LARGE1: variants seen among roughly 807,000 people sequenced by gnomAD.
LARGE1 encodes the protein xylosyl- and glucuronyltransferase LARGE1.
A neutral mutation model predicts 87.6 loss-of-function variants in LARGE1; 43 were observed. That is an observed-to-expected ratio of 0.49 (90% confidence interval 0.38 to 0.63). The LOEUF (loss-of-function observed/expected upper bound fraction) is 0.63. Ranked by LOEUF, LARGE1 falls within the 30% of genes least tolerant of loss-of-function variation. The pLI, the probability that LARGE1 is intolerant of heterozygous loss-of-function variation, is 0.00. For missense variants in LARGE1, 802 were observed against 1,000.2 expected, an observed-to-expected ratio of 0.80 and a Z score of 2.67; for synonymous variants, 434 against 394.6, an observed-to-expected ratio of 1.10 and a Z score of -1.18.
Position 33,384,195 on chromosome 22 carries a change from G to C in LARGE1, c.1002C>G (p.Asp334Glu). 1 of 1,612,018 alleles carries C rather than the reference G, an allele frequency of 6.2e-7. No individual in the cohort carries two copies. Among genetic ancestry groups the C allele is most frequent in the Non-Finnish European group, 8.5e-7 (1 of 1,178,076 alleles). ...LMGMLSTSLA[D>E]QDIFNAVIKQ... The stretch of plus-strand genomic sequence containing the variant: ...ACCTTCGAACCTGGCCACTCACCTG[G>C]TCAGCTAAGGATGTAGAGAGCATGC... Residue 334 changes from aspartate to glutamate, a missense_variant, in exon 8 of 15, where the codon GAC (aspartate) becomes GAG (glutamate). Physicochemically the swap from Asp to Glu is conservative, Grantham distance 45. This residue lies in a region of LARGE1 where 625 missense variants were observed against 841.9 expected (regional missense o/e 0.74). Transcript: ENST00000397394.
chr22:33,620,274 C>T lies in LARGE1; in HGVS notation c.491+5970G>A, dbSNP rs542195038. 2.0e-5 allele frequency among the ~76,000 whole-genome samples: 3 copies of T among 152,354 alleles called. No individual in the cohort carries two copies. In the South Asian group the frequency reaches 6.2e-4, roughly 32 times the overall value. On this transcript the variant is annotated intron_variant, in intron 4 of 14. Coordinates refer to ENST00000397394, the MANE Select transcript of LARGE1 (RefSeq NM_133642.5). ...AGAGTGTGAAAGCAGATCATGCTAG[C>T]AAACAAATATTAAATTTTTACAAGC...
chr22:33,344,285 A>G (rs1465679501), intron 9 of LARGE1, among the ~76,000 whole-genome samples: 3 of 152,210 alleles, frequency 2.0e-5, no homozygotes, highest in South Asian at 2.1e-4. Context: ...ACAGATAGTA[A>G]GATGAGCACT....
intron 1 of LARGE1, among the ~76,000 whole-genome samples, chr22:33,822,072 T>G (rs1179916532): frequency 2.0e-5 from 3 of 152,056 alleles, no homozygotes; most frequent in Non-Finnish European, 4.4e-5. Flanking sequence ...TTTTTCTTAA[T>G]GATCCCGGTT....
intron 7 of LARGE1, among the ~76,000 whole-genome samples, chr22:33,406,188 G>C (rs2066091020): frequency 6.6e-6 from 1 of 152,116 alleles, no homozygotes; most frequent in Admixed American, 6.6e-5. Context: ...CTGAAGTCCA[G>C]TAGTAAGGCT....
intron 1 of LARGE1, among the ~76,000 whole-genome samples, chr22:33,876,035 A>G (rs1290087303): frequency 1.3e-5 from 2 of 152,162 alleles, no homozygotes; most frequent in Non-Finnish European, 2.9e-5. Context: ...TTTAGAACAA[A>G]ACGTCATAGA....
intron 1 of LARGE1, among the ~76,000 whole-genome samples, chr22:33,877,158 A>T (rs534927115): frequency 6.6e-6 from 1 of 152,284 alleles, no homozygotes; most frequent in South Asian, 2.1e-4. Flanking sequence ...AAAACTAAGA[A>T]AGTCCCTTTT....
intron 5 of LARGE1, among the ~76,000 whole-genome samples, chr22:33,573,235 T>A (rs1302152338): frequency 6.6e-6 from 1 of 152,082 alleles, no homozygotes; most frequent in African/African-American, 2.4e-5. Flanking sequence ...GGTCAGGAGT[T>A]CAAGACCAGC....
chr22:33,511,841 C>T (rs187389536), intron 6 of LARGE1, among the ~76,000 whole-genome samples: 1 of 152,284 alleles, frequency 6.6e-6, no homozygotes, highest in Admixed American at 6.5e-5. Flanking sequence ...CCTTTGATTC[C>T]ACAGCCAGAG....
chr22:33,489,942 C>T lies in LARGE1; in HGVS notation c.788-57677G>A, dbSNP rs189983236. 5.6e-4 allele frequency among the ~76,000 whole-genome samples: 86 copies of T among 152,222 alleles called. 1 individual carries two copies. The highest frequency in any genetic ancestry group is 1.9e-3 in the African/African-American group (79 of 41,534). On this transcript the variant is annotated intron_variant, in intron 6 of 14. Transcript: ENST00000397394. ...GGTGTTGCTGTCTCTAAAGAGGGTG[C>T]CTGTCCCAGGGAAGGCAGTGACTTC...
At chr22:33,737,227 A>C (rs1466330931) in intron 2 of LARGE1, among the ~76,000 whole-genome samples, 5 of 152,160 alleles carry the variant, frequency 3.3e-5, no homozygotes, top group Non-Finnish European at 5.9e-5. Context: ...GTATACAGGG[A>C]ATAGAATGTC....
intron 1 of LARGE1, among the ~76,000 whole-genome samples, chr22:33,845,616 A>G (rs1035676516): frequency 2.0e-5 from 3 of 152,234 alleles, no homozygotes; most frequent in Admixed American, 2.0e-4. Flanking sequence ...CCTATAATGG[A>G]CCTTATAATG....
chr22:33,484,132 C>G (rs957658133), intron 6 of LARGE1, among the ~76,000 whole-genome samples: 1 of 152,148 alleles, frequency 6.6e-6, no homozygotes, highest in African/African-American at 2.4e-5. Context: ...ACAACAGACA[C>G]CTTGGGGAAG....
intron 12 of LARGE1, among the ~76,000 whole-genome samples, chr22:33,296,960 T>C (rs1024909487): frequency 6.6e-6 from 1 of 152,228 alleles, no homozygotes; most frequent in Non-Finnish European, 1.5e-5. Context: ...TGAGCCTTAA[T>C]GGTAAAATAC....
intron 6 of LARGE1, among the ~76,000 whole-genome samples, chr22:33,449,710 GC>G (rs1249927616): frequency 2.0e-5 from 3 of 152,212 alleles, no homozygotes; most frequent in African/African-American, 7.2e-5. Flanking sequence ...CAAAGCACAT[GC>G]TTCGAGGAGA....
At chr22:33,711,023 G>A (rs1471394768) in intron 2 of LARGE1, among the ~76,000 whole-genome samples, 2 of 152,132 alleles carry the variant, frequency 1.3e-5, no homozygotes, top group Non-Finnish European at 2.9e-5. Flanking sequence ...TGCCCCTACT[G>A]TGTACGAGGC....
chr22:33,089,688 G>T, the LARGE1 span, among the ~76,000 whole-genome samples: 1 of 151,892 alleles, frequency 6.6e-6, no homozygotes, highest in African/African-American at 2.4e-5. Context: ...ATAGAGATGG[G>T]GTCTCACTAT....
intron 9 of LARGE1, among the ~76,000 whole-genome samples, chr22:33,368,485 G>C (rs1049421316): frequency 7.4e-6 from 1 of 135,128 alleles, no homozygotes; most frequent in Non-Finnish European, 1.5e-5. Flanking sequence ...AGTGAGCTGA[G>C]ATCATGCCAC....
At chr22:33,716,572 A>AT (rs1356333835) in intron 2 of LARGE1, among the ~76,000 whole-genome samples, 1 of 152,060 alleles carries the variant, frequency 6.6e-6, no homozygotes, top group Non-Finnish European at 1.5e-5. Context: ...AACTTACATT[A>AT]TTTTTTGTAG....
intron 6 of LARGE1, among the ~76,000 whole-genome samples, chr22:33,448,456 G>A (rs779749981): frequency 2.0e-4 from 30 of 152,100 alleles, no homozygotes; most frequent in African/African-American, 3.4e-4. Context: ...GGTATATGTC[G>A]GTAATATTCT....
Sources: gnomAD v4.1 joint callset for allele counts (sites outside exome capture counted in the v4.1 genomes callset) on GRCh38, gnomAD v4.1.1 for gene constraint, gnomAD v4.1.1 regional missense constraint, MANE v1.5 for transcripts, NCBI Gene and HGNC (gene_info 2026-07-23, HGNC 2026-07-21) for gene names.